The following IHO1 variants were observed in gnomAD, a reference collection of about 807,000 sequenced individuals.
IHO1 encodes the protein interactor of HORMAD1 1.
IHO1 carries 13 observed loss-of-function variants against 31.0 expected under a neutral mutation model. The observed-to-expected ratio is 0.42, with a 90% CI of 0.27 to 0.67. IHO1 has a LOEUF of 0.67. IHO1 is among the 30% of genes least tolerant of loss of function. The pLI is 0.24. For missense variants in IHO1, 599 were observed against 687.5 expected (o/e 0.87, Z 1.44); for synonymous variants, 221 against 248.4 (o/e 0.89, Z 1.04).
intron 6 of IHO1, chr3:49,245,184 C>A: frequency 7.5e-6 from 2 of 266,896 alleles, no homozygotes; most frequent in Non-Finnish European, 7.1e-6. Flanking sequence ...CAGCATCATT[C>A]TCAATTTTTT....
At chr3:49,194,378 A>G (rs1281436007), upstream of IHO1, among the ~76,000 whole-genome samples, 1 of 138,210 alleles carries the variant, frequency 7.2e-6, no homozygotes, top group Non-Finnish European at 1.6e-5. Flanking sequence ...ATCTCGGCTC[A>G]CTGCAAGCTC....
intron 2 of IHO1, among the ~76,000 whole-genome samples, chr3:49,219,612 G>A (rs148020206): frequency 1.8e-4 from 27 of 152,136 alleles, no homozygotes; most frequent in African/African-American, 5.8e-4. Flanking sequence ...TTCTAGTGCC[G>A]CTGGGTTAGG....
At chr3:49,194,266 C>T (rs1394163676), upstream of IHO1, among the ~76,000 whole-genome samples, 1 of 63,596 alleles carries the variant, frequency 1.6e-5, no homozygotes, top group Non-Finnish European at 2.9e-5. Flanking sequence ...GAAACTCTAT[C>T]TCAAAAAAAA....
In IHO1 at chr3:49,256,642, A is replaced by C. The variant is rs1448631422; in HGVS notation, c.1145A>C (p.Asp382Ala). 6.2e-7 allele frequency: 1 copy of C among 1,614,258 alleles called. No homozygotes were observed. ...GTCCCAGGCCATAAGATTCCCAGTG[A>C]CAGGGACCTGGTTTCCCAAGGAGCC... is the stretch of plus-strand genomic sequence containing the variant. Reference protein sequence around the residue: ...SSVPGHKIPSDRDLVSQGASQ... With the variant: ...SSVPGHKIPSARDLVSQGASQ... Residue 382 changes from aspartate to alanine, a missense_variant, in exon 8 of 8, where the codon GAC becomes GCC. Physicochemically the swap from Asp to Ala is moderately radical, Grantham distance 126. Transcript: ENST00000452691. The surrounding 1 kb of genome is among the most constrained non-coding windows in gnomAD (Gnocchi z 4.6).
At chr3:49,250,397 C>T (rs929697841) in intron 6 of IHO1, among the ~76,000 whole-genome samples, 1 of 152,106 alleles carries the variant, frequency 6.6e-6, no homozygotes, top group Non-Finnish European at 1.5e-5. Flanking sequence ...ACATATGTTG[C>T]CCTGGGGACA....
At chr3:49,206,646 G>A (rs966381134) in intron 1 of IHO1, among the ~76,000 whole-genome samples, 1 of 152,158 alleles carries the variant, frequency 6.6e-6, no homozygotes, top group African/African-American at 2.4e-5. Flanking sequence ...ATCTCATCCT[G>A]TGACTAAGAA....
upstream of IHO1, among the ~76,000 whole-genome samples, chr3:49,196,414 G>C (rs576919198): frequency 1.7e-4 from 26 of 150,230 alleles, no homozygotes; most frequent in African/African-American, 5.6e-4. Context: ...CACCTCCCGG[G>C]TTCACGCCAT....
intron 1 of IHO1, among the ~76,000 whole-genome samples, chr3:49,211,299 C>T (rs1423091357): frequency 1.3e-5 from 2 of 152,072 alleles, no homozygotes; most frequent in African/African-American, 2.4e-5. Context: ...TGAGCCACTG[C>T]GCCCGGCTTC....
At chr3:49,240,476 G>A (rs1422174993) in intron 3 of IHO1, among the ~76,000 whole-genome samples, 5 of 152,094 alleles carry the variant, frequency 3.3e-5, no homozygotes, top group East Asian at 3.9e-4. Flanking sequence ...CGCCCGCCTC[G>A]GCCTCCCAAA....
At chr3:49,208,073 A>G (rs1559437319) in intron 1 of IHO1, among the ~76,000 whole-genome samples, 1 of 152,204 alleles carries the variant, frequency 6.6e-6, no homozygotes, top group Admixed American at 6.5e-5. Flanking sequence ...TGCCCGGCCA[A>G]ATTTCTACAT....
At chr3:49,208,161 C>T (rs1441944125) in intron 1 of IHO1, among the ~76,000 whole-genome samples, 1 of 152,224 alleles carries the variant, frequency 6.6e-6, no homozygotes, top group Non-Finnish European at 1.5e-5. Flanking sequence ...TGTGTTCTTG[C>T]TCTGCACACA....
chr3:49,214,626 A>ATATATATATATATATATATG (rs2046264707), intron 2 of IHO1, among the ~76,000 whole-genome samples: 1 of 20,714 alleles, frequency 4.8e-5, no homozygotes, highest in Non-Finnish European at 8.9e-5. Flanking sequence ...ATATATATAT[A>ATATATATATATATATATATG]TATATATTTT....
At chr3:49,223,792 C>T (rs972409302) in intron 2 of IHO1, among the ~76,000 whole-genome samples, 2 of 152,218 alleles carry the variant, frequency 1.3e-5, no homozygotes, top group Non-Finnish European at 2.9e-5. Flanking sequence ...CCTGAGCCTT[C>T]TCTGTCTTGC....
At chr3:49,233,963 G>C (rs369711057) in intron 2 of IHO1, among the ~76,000 whole-genome samples, 3 of 151,964 alleles carry the variant, frequency 2.0e-5, no homozygotes, top group Non-Finnish European at 4.4e-5. Flanking sequence ...CATTTGTTTC[G>C]GCCCATCCCT....
chr3:49,191,605 G>T, the IHO1 span: 23 of 898,370 alleles, frequency 2.6e-5, no homozygotes, highest in Non-Finnish European at 3.8e-5. Flanking sequence ...CAAGATGGTG[G>T]AGAGGAAGTG....
At position 49,256,898 on chromosome 3, in the gene IHO1, G is replaced by T; in HGVS notation, c.1401G>T (p.Gln467His). The change falls in exon 8 of 8, where the codon CAG becomes CAT. Residue 467 changes from glutamine to histidine, a missense_variant. Physicochemically the swap from Gln to His is conservative, Grantham distance 24. Transcript: ENST00000452691. This position sits in a 1 kb window ranked among gnomAD's most constrained non-coding sequence, Gnocchi z 4.6. Reference sequence around the variant, plus strand: ...GCAAGCAAAAACAAATCCCAATCCAGACCTGTAAATTCAATTCCAAATATC... The same window carrying T: ...GCAAGCAAAAACAAATCCCAATCCATACCTGTAAATTCAATTCCAAATATC... ...IASKQKQIPI[Q>H]TCKFNSKYQS... 2 of 1,614,200 alleles carry T rather than the reference G, an allele frequency of 1.2e-6. No individual in the cohort carries two copies. The highest frequency in any genetic ancestry group is 1.7e-6 in the Non-Finnish European group (2 of 1,180,040).
At chr3:49,229,198 C>T (rs1433036399) in intron 2 of IHO1, among the ~76,000 whole-genome samples, 1 of 152,194 alleles carries the variant, frequency 6.6e-6, no homozygotes, top group African/African-American at 2.4e-5. Flanking sequence ...TCTAGCTAGA[C>T]AGAAAAGTTC....
chr3:49,210,223 A>T (rs1307888747), intron 1 of IHO1, among the ~76,000 whole-genome samples: 1 of 151,042 alleles, frequency 6.6e-6, no homozygotes, highest in Non-Finnish European at 1.5e-5. Context: ...TTTATTTTTA[A>T]TTTTTTGACA....
chr3:49,194,053 A>G (rs2045982295), upstream of IHO1, among the ~76,000 whole-genome samples: 1 of 149,958 alleles, frequency 6.7e-6, no homozygotes, highest in South Asian at 2.1e-4. Flanking sequence ...GCAGATCATG[A>G]GGTCAGGAAT....
Sources: gnomAD v4.1 joint callset for allele counts (sites outside exome capture counted in the v4.1 genomes callset) on GRCh38, gnomAD v4.1.1 for gene constraint, Gnocchi (gnomAD v3.1) non-coding constraint, MANE v1.5 for transcripts, NCBI Gene and HGNC (gene_info 2026-07-23, HGNC 2026-07-21) for gene names.